Variants in NUMB observed in about 807,000 individuals in gnomAD.
NUMB encodes protein numb homolog.
NUMB carries 29 observed loss-of-function variants against 59.7 expected under a neutral mutation model. The ratio of observed to expected loss-of-function variants is 0.49; its 90% confidence interval spans 0.36 to 0.66. The LOEUF is 0.66. Among genes scored for constraint, NUMB ranks in the 30% least tolerant of loss-of-function variants. The probability of loss-of-function intolerance (pLI) is 0.00; values close to 1 mark genes in which losing one functional copy is unlikely to be tolerated. For missense variants in NUMB, 723 were observed against 822.0 expected (o/e 0.88, Z 1.47); for synonymous variants, 288 against 288.2 (o/e 1.00, Z 0.01).
At chr14:73,354,827 C>CAAAAAAA (rs10668811) in intron 4 of NUMB, among the ~76,000 whole-genome samples, 16 of 82,312 alleles carry the variant, frequency 1.9e-4, no homozygotes, top group African/African-American at 3.0e-4. Flanking sequence ...GACTGTGCCT[C>CAAAAAAA]AAAAAAAAAA....
chr14:73,415,577 C>T (rs1048518856), intron 1 of NUMB, among the ~76,000 whole-genome samples: 18 of 151,432 alleles, frequency 1.2e-4, no homozygotes, highest in African/African-American at 3.6e-4. Context: ...AGCAATTCTC[C>T]TGCCTCAGCC....
At chr14:73,288,624 C>A (rs182011103) in intron 8 of NUMB, among the ~76,000 whole-genome samples, 216 of 151,602 alleles carry the variant, frequency 1.4e-3, no homozygotes, top group African/African-American at 5.0e-3. Context: ...CTTTGGGAGG[C>A]TGAGGTGGGC....
intron 4 of NUMB, among the ~76,000 whole-genome samples, chr14:73,350,756 T>C (rs1032223726): frequency 6.6e-6 from 1 of 151,798 alleles, no homozygotes; most frequent in African/African-American, 2.4e-5. Flanking sequence ...CTCGAACTCT[T>C]GGGCTCAAGT....
At chr14:73,368,357 G>A (rs1010204135) in intron 2 of NUMB, among the ~76,000 whole-genome samples, 31 of 152,034 alleles carry the variant, frequency 2.0e-4, no homozygotes, top group African/African-American at 6.8e-4. Flanking sequence ...CAAGTGGATC[G>A]CCTGAGGTCA....
chr14:73,425,570 T>C (rs1317195102), intron 1 of NUMB, among the ~76,000 whole-genome samples: 1 of 152,132 alleles, frequency 6.6e-6, no homozygotes, highest in Non-Finnish European at 1.5e-5. Flanking sequence ...CAAACAGATT[T>C]ACAGATATTC....
chr14:73,442,610 G>T (rs1883143380), intron 1 of NUMB, among the ~76,000 whole-genome samples: 1 of 151,774 alleles, frequency 6.6e-6, no homozygotes, highest in Non-Finnish European at 1.5e-5. Flanking sequence ...CAAATAACAT[G>T]GAAAATCTCA....
chr14:73,336,904 G>C (rs1224290456), intron 4 of NUMB, among the ~76,000 whole-genome samples: 1 of 152,108 alleles, frequency 6.6e-6, no homozygotes, highest in Non-Finnish European at 1.5e-5. Flanking sequence ...AATCTAATCA[G>C]TGGAATAAAC....
intron 1 of NUMB, among the ~76,000 whole-genome samples, chr14:73,436,506 G>A (rs1304394585): frequency 6.6e-6 from 1 of 151,968 alleles, no homozygotes; most frequent in Non-Finnish European, 1.5e-5. Context: ...TTTTAGTAAA[G>A]ACACGGTTTC....
intron 5 of NUMB, among the ~76,000 whole-genome samples, chr14:73,320,383 T>C (rs1214162623): frequency 2.0e-5 from 3 of 152,158 alleles, no homozygotes; most frequent in Non-Finnish European, 4.4e-5. Context: ...CACCAACATA[T>C]CTAAAACTTT....
intron 1 of NUMB, among the ~76,000 whole-genome samples, chr14:73,421,249 A>G (rs1476287749): frequency 6.6e-6 from 1 of 151,966 alleles, no homozygotes; most frequent in Admixed American, 6.6e-5. Flanking sequence ...CAGTGGTGCA[A>G]TCTCGGCCCA....
intron 1 of NUMB, among the ~76,000 whole-genome samples, chr14:73,416,335 T>TTC (rs1382302774): frequency 8.0e-5 from 12 of 150,512 alleles, no homozygotes; most frequent in African/African-American, 2.2e-4. Context: ...TTCTTTTCTT[T>TTC]TTTTTTTTTT....
At chr14:73,288,602 A>G (rs969052256) in intron 8 of NUMB, among the ~76,000 whole-genome samples, 8 of 147,288 alleles carry the variant, frequency 5.4e-5, no homozygotes, top group African/African-American at 1.8e-4. Context: ...GCTCATGCCT[A>G]TAATCCCAGC....
At chr14:73,410,581 C>T (rs1896853678) in intron 1 of NUMB, among the ~76,000 whole-genome samples, 1 of 152,168 alleles carries the variant, frequency 6.6e-6, no homozygotes, top group Non-Finnish European at 1.5e-5. Context: ...TATAAAGTTA[C>T]CAATTATGCT....
In NUMB at chr14:73,332,990, TGTTTA is replaced by T. The variant is rs377088349; in HGVS notation, c.127-9791_127-9787del. 3.2e-3 allele frequency among the ~76,000 whole-genome samples: 492 copies of T among 152,242 alleles called. 2 individuals are homozygous for T. Among genetic ancestry groups the T allele is most frequent in the African/African-American group, 9.2e-3 (382 of 41,508 alleles). On this transcript the variant is annotated intron_variant, in intron 4 of 12. Coordinates refer to ENST00000555238, the MANE Select transcript of NUMB (RefSeq NM_001005743.2). ...CCATTGTATGTATGTACCACAATTTTGTTTATTCATACTACCATCAATGGACATTT... is the reference window on the plus strand; with the variant it reads ...CCATTGTATGTATGTACCACAATTTTTTCATACTACCATCAATGGACATTT...
chr14:73,360,890 C>T (rs887492532), intron 3 of NUMB, among the ~76,000 whole-genome samples: 1 of 151,352 alleles, frequency 6.6e-6, no homozygotes, highest in Non-Finnish European at 1.5e-5. Flanking sequence ...TATCTTTTAT[C>T]TTATTTTATT....
rs1007643285 is a variant in NUMB at position 73,329,860 on chromosome 14, C to A, written c.127-6656G>T. 2.4e-4 allele frequency among the ~76,000 whole-genome samples: 36 copies of A among 152,138 alleles called. 1 individual carries two copies. Among genetic ancestry groups the A allele is most frequent in the African/African-American group, 8.4e-4 (35 of 41,438 alleles). On this transcript the variant is annotated intron_variant, in intron 4 of 12. Coordinates refer to ENST00000555238, the MANE Select transcript of NUMB (RefSeq NM_001005743.2). Reference sequence around the variant, plus strand: ...GAGTTTATATATTTGAAGCACCCAGCGCAGTGTCTGGTAATCAGTAAGTGC... The same window carrying A: ...GAGTTTATATATTTGAAGCACCCAGAGCAGTGTCTGGTAATCAGTAAGTGC...
At chr14:73,454,806 A>C (rs187652634) in intron 1 of NUMB, among the ~76,000 whole-genome samples, 8 of 152,324 alleles carry the variant, frequency 5.3e-5, no homozygotes, top group Admixed American at 3.3e-4. Flanking sequence ...AAACCAGGTA[A>C]TCAAACTGCT....
At chr14:73,360,215 C>G (rs1028659127) in intron 3 of NUMB, among the ~76,000 whole-genome samples, 1 of 152,164 alleles carries the variant, frequency 6.6e-6, no homozygotes. Flanking sequence ...GTGGTGCTTA[C>G]AATAGTATCA....
intron 1 of NUMB, 82 bp from the exon 2 acceptor site, chr14:73,410,150 G>A (rs1293606395): frequency 6.6e-6 from 1 of 152,202 alleles, no homozygotes; most frequent in Non-Finnish European, 1.5e-5. Flanking sequence ...AGTTGAGTAA[G>A]GACTGATGGA....
Sources: allele counts gnomAD v4.1 joint callset (sites outside exome capture counted in the v4.1 genomes callset), GRCh38; gene constraint gnomAD v4.1.1; transcripts MANE v1.5; gene names NCBI Gene and HGNC (gene_info 2026-07-23, HGNC 2026-07-21).